ATP6V0D1: variants seen among roughly 807,000 people sequenced by gnomAD.
ATP6V0D1 encodes ATPase H+ transporting V0 subunit d1.
A neutral mutation model predicts 39.0 loss-of-function variants in ATP6V0D1; 13 were observed. The observed-to-expected ratio is 0.33, with a 90% CI of 0.22 to 0.53. ATP6V0D1 has a LOEUF of 0.53. Among genes scored for constraint, ATP6V0D1 ranks in the 20% least tolerant of loss-of-function variants. ATP6V0D1 has a pLI of 0.94. For missense variants in ATP6V0D1, 272 were observed against 470.9 expected (o/e 0.58, Z 3.91); for synonymous variants, 191 against 191.2 (o/e 1.00, Z 0.01).
intron 2 of ATP6V0D1, among the ~76,000 whole-genome samples, chr16:67,445,211 G>T (rs2041100919): frequency 6.6e-6 from 1 of 152,204 alleles, no homozygotes; most frequent in Admixed American, 6.5e-5. Context: ...CTGGCAGAGG[G>T]AGAGAAAGGC....
chr16:67,458,805 G>C (rs911418866), intron 1 of ATP6V0D1, among the ~76,000 whole-genome samples: 2 of 152,048 alleles, frequency 1.3e-5, no homozygotes, highest in Admixed American at 1.3e-4. Flanking sequence ...GCCTAGGCTT[G>C]CTCCTCAGTC....
At chr16:67,458,772 C>T (rs961378088) in intron 1 of ATP6V0D1, among the ~76,000 whole-genome samples, 20 of 152,206 alleles carry the variant, frequency 1.3e-4, no homozygotes, top group Admixed American at 8.5e-4. Flanking sequence ...CTTGGTCTCC[C>T]GGTATCTCCA....
intron 1 of ATP6V0D1, among the ~76,000 whole-genome samples, chr16:67,476,261 C>T (rs1239493264): frequency 1.3e-5 from 2 of 150,832 alleles, no homozygotes; most frequent in South Asian, 4.2e-4. Flanking sequence ...AGTAAGGAAG[C>T]TTTCAATGGC....
Position 67,447,742 on chromosome 16 carries a change from A to G in ATP6V0D1, c.303-3036T>C, listed in dbSNP as rs917623789. The stretch of plus-strand genomic sequence containing the variant: ...AAGCCACTTCCTCCAAGAAGCCTTC[A>G]GAGTCCCTAGCCAACTCTGCCCCTC... On this transcript the variant is annotated intron_variant, in intron 2 of 7. Coordinates refer to ENST00000290949, the MANE Select transcript of ATP6V0D1 (RefSeq NM_004691.5). This position sits in a 1 kb window ranked among gnomAD's most constrained non-coding sequence, Gnocchi z 4.1. 6.6e-6 allele frequency among the ~76,000 whole-genome samples: 1 copy of G among 152,178 alleles called. No individual in the cohort carries two copies. The highest frequency in any genetic ancestry group is 2.4e-5 in the African/African-American group (1 of 41,452).
intron 2 of ATP6V0D1, among the ~76,000 whole-genome samples, chr16:67,446,911 C>T (rs1451430389): frequency 6.6e-6 from 1 of 152,158 alleles, no homozygotes; most frequent in Non-Finnish European, 1.5e-5. Flanking sequence ...AGATAAGGCC[C>T]AGAGAGGGCC....
chr16:67,438,461 GCACA>G lies in ATP6V0D1; in HGVS notation c.*63_*66del. ...TGTCACAGACCACATACACACACAC[GCACA>G]CACACGCGCACACACACACACACAC... On this transcript the variant is annotated 3_prime_UTR_variant, in exon 8 of 8. Transcript: ENST00000290949. 1 of 1,536,484 alleles carries G rather than the reference GCACA, an allele frequency of 6.5e-7. No homozygotes were observed. The highest frequency in any genetic ancestry group is 1.9e-5 in the Admixed American group (1 of 53,604).
chr16:67,445,254 G>T (rs533539500), intron 2 of ATP6V0D1, among the ~76,000 whole-genome samples: 8 of 152,210 alleles, frequency 5.3e-5, no homozygotes, highest in Non-Finnish European at 8.8e-5. Context: ...TGCAGCAGGC[G>T]GGGGGCAGAG....
chr16:67,468,534 G>A (rs1482316614), intron 1 of ATP6V0D1, among the ~76,000 whole-genome samples: 1 of 150,834 alleles, frequency 6.6e-6, no homozygotes, highest in South Asian at 2.1e-4. Flanking sequence ...GCTGCGGTGA[G>A]TTGTGTTTGG....
rs1271188300 is a variant in ATP6V0D1 at position 67,444,470 on chromosome 16, CCTGATGCG to C, written c.481+50_481+57del. ...CCCCCAGCGGGTCCACAAACCCCAC[CCTGATGCG>C]CTGATGCTGACACCACTGCCCACCT... On this transcript the variant is annotated intron_variant, in intron 3 of 7. Coordinates refer to ENST00000290949, the MANE Select transcript of ATP6V0D1 (RefSeq NM_004691.5). This position sits in a 1 kb window ranked among gnomAD's most constrained non-coding sequence, Gnocchi z 4.8. 1.0e-5 allele frequency: 16 copies of C among 1,525,912 alleles called. No individual in the cohort carries two copies. The highest frequency in any genetic ancestry group is 1.3e-5 in the Non-Finnish European group (15 of 1,128,504). 94.5% of individuals were successfully genotyped at this position (1,525,912 alleles called of 1,614,324 possible).
At chr16:67,448,667 A>AC (rs2041144618) in intron 2 of ATP6V0D1, among the ~76,000 whole-genome samples, 2 of 152,004 alleles carry the variant, frequency 1.3e-5, no homozygotes, top group South Asian at 4.1e-4. Flanking sequence ...CTCAAAAAAA[A>AC]AAAAAAAAAA....
chr16:67,438,763 C>CCCTCTGACAAGCAGACCCTGCAGACTCA (rs2041008307), intron 7 of ATP6V0D1, 30 bp downstream of exon 7: 2 of 1,614,036 alleles, frequency 1.2e-6, no homozygotes, highest in African/African-American at 2.7e-5. Context: ...AGGTTGGCCT[C>CCCTCTGACAAGCAGACCCTGCAGACTCA]CCTCTGACAA....
Position 67,438,865 on chromosome 16 carries a change from G to C in ATP6V0D1, c.822C>G (p.Tyr274Ter). The change falls in exon 7 of 8, where the codon TAC (tyrosine) becomes TAG (stop). Residue 274 changes from tyrosine to a stop codon, truncating the protein, a stop_gained. Coordinates refer to ENST00000290949, the MANE Select transcript of ATP6V0D1 (RefSeq NM_004691.5). LOFTEE classifies it high-confidence loss of function. ...TACCTGCACCCTCGAAGAGCAGCTT[G>C]TACTCCTGGCCAGGGGGGTGGGGGG... ...VKNVADYYPEYKLLFEGAGSN... is the reference protein window; with the variant it reads ...VKNVADYYPE 6.2e-7 allele frequency: 1 copy of C among 1,612,912 alleles called. No homozygotes were observed. Among genetic ancestry groups the C allele is most frequent in the Non-Finnish European group, 8.5e-7 (1 of 1,179,748 alleles).
chr16:67,462,739 G>A (rs1042701285), intron 1 of ATP6V0D1, among the ~76,000 whole-genome samples: 1 of 151,678 alleles, frequency 6.6e-6, no homozygotes, highest in Non-Finnish European at 1.5e-5. Flanking sequence ...AAGGTGGGAG[G>A]ATGGCTTGAG....
At chr16:67,450,532 A>G (rs2041166901) in intron 2 of ATP6V0D1, among the ~76,000 whole-genome samples, 1 of 152,044 alleles carries the variant, frequency 6.6e-6, no homozygotes, top group African/African-American at 2.4e-5. Context: ...GCAAAGAAAT[A>G]GCTAGGGGGG....
At chr16:67,464,830 G>A (rs1366413612) in intron 1 of ATP6V0D1, among the ~76,000 whole-genome samples, 1 of 152,258 alleles carries the variant, frequency 6.6e-6, no homozygotes, top group African/African-American at 2.4e-5. Context: ...GCAAGAGCTG[G>A]CCAGGAAAGC....
intron 1 of ATP6V0D1, among the ~76,000 whole-genome samples, chr16:67,466,132 T>C (rs1461903554): frequency 5.3e-5 from 8 of 152,030 alleles, no homozygotes; most frequent in Non-Finnish European, 7.4e-5. Flanking sequence ...GTCATCAACC[T>C]CTGAGGGAGT....
At chr16:67,480,000 C>A (rs974793162) in intron 1 of ATP6V0D1, among the ~76,000 whole-genome samples, 1 of 136,266 alleles carries the variant, frequency 7.3e-6, no homozygotes, top group Non-Finnish European at 1.5e-5. Context: ...GAGATCGAGA[C>A]CATCCCGGCT....
At chr16:67,462,515 C>T (rs2041296455) in intron 1 of ATP6V0D1, among the ~76,000 whole-genome samples, 1 of 152,230 alleles carries the variant, frequency 6.6e-6, no homozygotes, top group Admixed American at 6.5e-5. Context: ...CCAGTTATGG[C>T]AATGTGCTGT....
At position 67,481,043 on chromosome 16, in the gene ATP6V0D1, T is replaced by C. The variant is rs776332813; in HGVS notation, c.44A>G (p.Tyr15Cys). 6.2e-7 allele frequency: 1 copy of C among 1,614,158 alleles called. No individual in the cohort carries two copies. Residue 15 changes from tyrosine (Y) to cysteine (C), a missense_variant, in exon 1 of 8, where the codon TAC becomes TGC. Transcript: ENST00000290949. ...PELYFNVDNGYLEGLVRGLKA... is the reference protein window; with the variant it reads ...PELYFNVDNGCLEGLVRGLKA... ...CAGGCCGCGCACCAGTCCCTCCAAG[T>C]AGCCATTGTCCACGTTAAAGTAAAG...
Sources: allele counts gnomAD v4.1 joint callset (sites outside exome capture counted in the v4.1 genomes callset), GRCh38; gene constraint gnomAD v4.1.1; non-coding constraint Gnocchi (gnomAD v3.1); transcripts MANE v1.5; gene names NCBI Gene and HGNC (gene_info 2026-07-23, HGNC 2026-07-21).